The following DPYSL2 variants were observed in gnomAD, a reference collection of about 807,000 sequenced individuals.
DPYSL2 encodes the protein dihydropyrimidinase like 2, also known as dihydropyrimidinase-related protein 2.
DPYSL2 carries 13 observed loss-of-function variants against 69.9 expected under a neutral mutation model. The ratio of observed to expected loss-of-function variants is 0.19; its 90% CI spans 0.12 to 0.30. DPYSL2 has a LOEUF of 0.30. Ranked by LOEUF, DPYSL2 falls within the 10% of genes least tolerant of loss-of-function variation. DPYSL2 has a pLI of 1.00. For synonymous variants in DPYSL2, 326 were observed against 359.1 expected (o/e 0.91, Z 1.04); for missense variants, 587 against 918.9 (o/e 0.64, Z 4.67).
At chr8:26,602,906 G>C (rs1464790773) in intron 3 of DPYSL2, among the ~76,000 whole-genome samples, 2 of 152,218 alleles carry the variant, frequency 1.3e-5, no homozygotes, top group Admixed American at 6.5e-5. Context: ...CAGCCAATAG[G>C]TCCTATGTGA....
chr8:26,579,458 G>A (rs1269530700), intron 1 of DPYSL2, among the ~76,000 whole-genome samples: 1 of 152,226 alleles, frequency 6.6e-6, no homozygotes, highest in Admixed American at 6.5e-5. Flanking sequence ...CTGATTCCCG[G>A]GTAGAACCTA....
At chr8:26,536,404 C>G (rs558054477) in intron 1 of DPYSL2, among the ~76,000 whole-genome samples, 1 of 152,084 alleles carries the variant, frequency 6.6e-6, no homozygotes, top group Admixed American at 6.5e-5. Context: ...GGCATGGTGG[C>G]TCATGCCTAT....
intron 3 of DPYSL2, among the ~76,000 whole-genome samples, chr8:26,618,248 C>T (rs1055578498): frequency 9.9e-5 from 15 of 151,878 alleles, no homozygotes; most frequent in Non-Finnish European, 1.5e-5. Context: ...GGCATTTTGC[C>T]AGGTGCTTTT....
chr8:26,549,226 A>AATCATCATC (rs1554534410), intron 1 of DPYSL2, among the ~76,000 whole-genome samples: 30 of 145,478 alleles, frequency 2.1e-4, no homozygotes, highest in South Asian at 1.9e-3. Flanking sequence ...TAATAATAAT[A>AATCATCATC]ATCAAAAGGA....
At chr8:26,556,001 G>T (rs1800941922) in intron 1 of DPYSL2, among the ~76,000 whole-genome samples, 2 of 99,018 alleles carry the variant, frequency 2.0e-5, no homozygotes, top group South Asian at 2.8e-4. Context: ...TAAATATATA[G>T]TATATATTAT....
intron 8 of DPYSL2, among the ~76,000 whole-genome samples, chr8:26,638,275 C>T (rs1263110408): frequency 6.6e-6 from 1 of 152,124 alleles, no homozygotes; most frequent in African/African-American, 2.4e-5. Flanking sequence ...AGAGGTTGAG[C>T]CCAGAAGGGA....
chr8:26,537,609 T>TACACACACACACACA lies in DPYSL2; in HGVS notation c.354+22930_354+22931insACACACACACACACA, dbSNP rs1444890248. Among the ~76,000 whole-genome samples the TACACACACACACACA allele has an allele frequency of 1.9e-4, 5 of 26,630 alleles. No individual in the cohort carries two copies. The Admixed American group carries it at 2.7e-3, about 14-fold the overall frequency. 17.5% of individuals were successfully genotyped at this position (26,630 alleles called of 152,430 possible). On this transcript the variant is annotated intron_variant, in intron 1 of 13. Coordinates refer to ENST00000521913, the MANE Select transcript of DPYSL2 (RefSeq NM_001197293.3). Reference sequence around the variant, plus strand: ...GCATTGACCTTACTATCATTCTCTCTCTACACACACACACACACACACACA... The same window carrying TACACACACACACACA: ...GCATTGACCTTACTATCATTCTCTCTACACACACACACACACTACACACACACACACACACACACA...
At chr8:26,534,804 T>C (rs868566406) in intron 1 of DPYSL2, among the ~76,000 whole-genome samples, 6 of 152,164 alleles carry the variant, frequency 3.9e-5, no homozygotes, top group Middle Eastern at 6.8e-3. Flanking sequence ...GGCTAATTTT[T>C]ATTATTATGT....
At chr8:26,578,834 G>A (rs1312279160) in intron 1 of DPYSL2, among the ~76,000 whole-genome samples, 1 of 152,242 alleles carries the variant, frequency 6.6e-6, no homozygotes. Context: ...ATGCTGAAAA[G>A]GGCAGGGTGT....
Position 26,641,029 on chromosome 8 carries a change from G to A in DPYSL2, c.1127-2410G>A, listed in dbSNP as rs1256089475. Among the ~76,000 whole-genome samples, 2 of 152,220 alleles carry A rather than the reference G, an allele frequency of 1.3e-5. No homozygotes were observed. Among genetic ancestry groups the A allele is most frequent in the African/African-American group, 4.8e-5 (2 of 41,464 alleles). ...AGAGCAGCTCCCCACCCCAAGCTGA[G>A]TTGTGTTTCGCAGGGAGAGATAAGC... On this transcript the variant is annotated intron_variant, in intron 8 of 13. Coordinates refer to ENST00000521913, the MANE Select transcript of DPYSL2 (RefSeq NM_001197293.3). This position sits in a 1 kb window ranked among gnomAD's most constrained non-coding sequence, Gnocchi z 4.1.
chr8:26,654,643 A>C lies in DPYSL2; in HGVS notation c.1943-972A>C, dbSNP rs1313466914. Among the ~76,000 whole-genome samples, 1 of 152,168 alleles carries C rather than the reference A, an allele frequency of 6.6e-6. No homozygotes were observed. The highest frequency in any genetic ancestry group is 1.9e-4 in the East Asian group (1 of 5,186). ...TATATGTGTAGGATTAGGGGATTAGAATGCCAGAAGAGGGCTATGTCCTCA... is the reference window on the plus strand; with the variant it reads ...TATATGTGTAGGATTAGGGGATTAGCATGCCAGAAGAGGGCTATGTCCTCA... On this transcript the variant is annotated intron_variant, in intron 13 of 13. Coordinates refer to ENST00000521913, the MANE Select transcript of DPYSL2 (RefSeq NM_001197293.3). The surrounding 1 kb of genome is among the most constrained non-coding windows in gnomAD (Gnocchi z 5.0).
rs1802605508 is a variant in DPYSL2 at position 26,626,041 on chromosome 8, G to C, written c.794-576G>C. 6.6e-6 allele frequency among the ~76,000 whole-genome samples: 1 copy of C among 152,156 alleles called. No homozygotes were observed. The highest frequency in any genetic ancestry group is 1.5e-5 in the Non-Finnish European group (1 of 68,030). On this transcript the variant is annotated intron_variant, in intron 4 of 13. Coordinates refer to ENST00000521913, the MANE Select transcript of DPYSL2 (RefSeq NM_001197293.3). This position sits in a 1 kb window ranked among gnomAD's most constrained non-coding sequence, Gnocchi z 4.3. ...GCAACTGCTGTTGTACTTTCTGTCTGTGAAATTGACTTCTAGGGACCTCAT... is the reference window on the plus strand; with the variant it reads ...GCAACTGCTGTTGTACTTTCTGTCTCTGAAATTGACTTCTAGGGACCTCAT...
intron 1 of DPYSL2, among the ~76,000 whole-genome samples, chr8:26,538,864 C>T (rs895123958): frequency 2.0e-5 from 3 of 152,230 alleles, no homozygotes; most frequent in Admixed American, 6.5e-5. Flanking sequence ...AAGAAGACCA[C>T]TGGGCCCCAG....
intron 1 of DPYSL2, among the ~76,000 whole-genome samples, chr8:26,518,824 T>C (rs1317658218): frequency 6.6e-6 from 1 of 152,256 alleles, no homozygotes; most frequent in Non-Finnish European, 1.5e-5. Flanking sequence ...ATTAGTTAAA[T>C]TATAACAAGT....
chr8:26,627,933 C>T lies in DPYSL2; in HGVS notation c.998C>T (p.Pro333Leu), dbSNP rs759749902. ...CCCGAGGGACATGTGCTGAGCCGAC[C>T]TGAGGAGGTGAATGTTCACCAAGCG... ...TGPEGHVLSRPEEVEAEAVNR... is the reference protein window; with the variant it reads ...TGPEGHVLSRLEEVEAEAVNR... Residue 333 changes from proline to leucine, a missense_variant, in exon 7 of 14, where the codon CCT (proline) becomes CTT (leucine). Coordinates refer to ENST00000521913, the MANE Select transcript of DPYSL2 (RefSeq NM_001197293.3). This position sits in a 1 kb window ranked among gnomAD's most constrained non-coding sequence, Gnocchi z 6.9. 3 of 1,613,788 alleles carry T rather than the reference C, an allele frequency of 1.9e-6. No homozygotes were observed. In the Admixed American group the frequency reaches 5.0e-5, roughly 27 times the overall value.
At chr8:26,592,388 G>A (rs556945030) in intron 3 of DPYSL2, among the ~76,000 whole-genome samples, 12 of 152,136 alleles carry the variant, frequency 7.9e-5, no homozygotes, top group Admixed American at 2.6e-4. Flanking sequence ...CTTGGCCTCC[G>A]TTGATCCTCC....
intron 1 of DPYSL2, among the ~76,000 whole-genome samples, chr8:26,574,291 T>C (rs564624297): frequency 8.7e-4 from 132 of 152,278 alleles, no homozygotes; most frequent in African/African-American, 3.0e-3. Context: ...GCTCTGACAC[T>C]GTGTGCGTGC....
intron 1 of DPYSL2, among the ~76,000 whole-genome samples, chr8:26,539,937 T>C (rs1800651463): frequency 6.6e-6 from 1 of 152,002 alleles, no homozygotes; most frequent in African/African-American, 2.4e-5. Context: ...CACCAACATA[T>C]GGCTATAAGA....
chr8:26,583,180 T>C (rs913238625), intron 2 of DPYSL2, among the ~76,000 whole-genome samples: 2 of 152,246 alleles, frequency 1.3e-5, no homozygotes, highest in Admixed American at 1.3e-4. Context: ...AAATATTTTT[T>C]AAAAGTTGGA....
Sources: allele counts gnomAD v4.1 joint callset (sites outside exome capture counted in the v4.1 genomes callset), GRCh38; gene constraint gnomAD v4.1.1; non-coding constraint Gnocchi (gnomAD v3.1); transcripts MANE v1.5; gene names NCBI Gene and HGNC (gene_info 2026-07-23, HGNC 2026-07-21).